EDDM13: variants seen among roughly 807,000 people sequenced by gnomAD.
EDDM13 encodes the protein epididymal protein 13.
A neutral mutation model predicts 17.8 loss-of-function variants in EDDM13; 24 were observed. That is an observed-to-expected ratio of 1.35 (90% confidence interval 0.98 to 1.90). EDDM13 has a LOEUF of 1.90. Among genes scored for constraint, EDDM13 ranks in the 40% most tolerant of loss-of-function variants. EDDM13 has a pLI of 0.00. For missense variants in EDDM13, 97 were observed against 100.8 expected (o/e 0.96, Z 0.16); for synonymous variants, 31 against 37.5 (o/e 0.83, Z 0.63).
At chr19:56,297,628 T>C (rs1181805853) in intron 12 of EDDM13, 97 bp downstream of exon 12, 18 of 727,510 alleles carry the variant, frequency 2.5e-5, no homozygotes, top group Non-Finnish European at 2.8e-5. Flanking sequence ...TTTCAGGTAA[T>C]CAAGGCCCTG....
chr19:56,297,647 T>TGA, intron 12 of EDDM13, 116 bp downstream of exon 12: 3 of 537,076 alleles, frequency 5.6e-6, no homozygotes, highest in Non-Finnish European at 4.8e-6. Flanking sequence ...TGCAGGGGCT[T>TGA]TGGTACCTGA....
intron 13 of EDDM13, among the ~76,000 whole-genome samples, chr19:56,302,381 T>C (rs1382470956): frequency 6.5e-5 from 9 of 139,352 alleles, no homozygotes; most frequent in Middle Eastern, 3.6e-3. Flanking sequence ...TTCCTCCTTC[T>C]CTCTCCTCCC....
chr19:56,274,503 T>A (rs867135604), intron 1 of EDDM13: 8 of 151,940 alleles, frequency 5.3e-5, no homozygotes, highest in African/African-American at 1.7e-4. Context: ...ACACGTTTTT[T>A]AAAAAATTTA....
intron 13 of EDDM13, among the ~76,000 whole-genome samples, chr19:56,302,427 TCTCCCTTC>T (rs1319597809): frequency 8.0e-6 from 1 of 125,262 alleles, no homozygotes; most frequent in East Asian, 2.6e-4. Context: ...TCCCTCCCTT[TCTCCCTTC>T]CTTCCTTTCT....
intron 12 of EDDM13, among the ~76,000 whole-genome samples, chr19:56,301,319 C>T (rs1461424995): frequency 6.6e-6 from 1 of 152,098 alleles, no homozygotes; most frequent in African/African-American, 2.4e-5. Flanking sequence ...TTTCCTGGAG[C>T]TGAGGGTGCC....
chr19:56,301,909 A>G (rs900310680), intron 12 of EDDM13, 59 bp from the exon 13 acceptor site: 3 of 1,231,796 alleles, frequency 2.4e-6, no homozygotes, highest in Non-Finnish European at 3.0e-6. Flanking sequence ...CAGTGACAGG[A>G]AGCTCTAAGG....
chr19:56,294,885 C>G (rs1282827241), intron 9 of EDDM13, among the ~76,000 whole-genome samples: 2 of 152,198 alleles, frequency 1.3e-5, no homozygotes, highest in African/African-American at 2.4e-5. Flanking sequence ...CACAAAAGCA[C>G]ATAGGGTATG....
At chr19:56,290,778 T>TA (rs2039459342) in intron 8 of EDDM13, among the ~76,000 whole-genome samples, 63 bp from the exon 9 acceptor site, 1 of 152,238 alleles carries the variant, frequency 6.6e-6, no homozygotes, top group Non-Finnish European at 1.5e-5. Context: ...CTGCTGATTC[T>TA]ATTCTCTTGC....
chr19:56,290,920 G>A (rs1335272956), intron 9 of EDDM13, among the ~76,000 whole-genome samples, 74 bp downstream of exon 9: 1 of 152,186 alleles, frequency 6.6e-6, no homozygotes, highest in Non-Finnish European at 1.5e-5. Flanking sequence ...ACTATCCAAA[G>A]AAGGGAATCT....
intron 9 of EDDM13, chr19:56,295,679 G>A (rs955954490): frequency 4.6e-5 from 7 of 152,332 alleles, no homozygotes; most frequent in Non-Finnish European, 7.3e-5. Context: ...ACCTTGCTGC[G>A]GTGCAAATCC....
At chr19:56,297,091 G>A (rs865864361) in intron 11 of EDDM13, among the ~76,000 whole-genome samples, 5 of 151,944 alleles carry the variant, frequency 3.3e-5, no homozygotes, top group African/African-American at 9.7e-5. Context: ...GTTTTTAAAG[G>A]GCGATCAGGG....
chr19:56,308,162 T>C (rs551673806), intron 14 of EDDM13, among the ~76,000 whole-genome samples: 2 of 152,316 alleles, frequency 1.3e-5, no homozygotes, highest in African/African-American at 4.8e-5. Flanking sequence ...GCCTCCCAAG[T>C]AGCTGGGACT....
chr19:56,279,853 T>C (rs2038550809), intron 2 of EDDM13, among the ~76,000 whole-genome samples: 2 of 152,176 alleles, frequency 1.3e-5, no homozygotes, highest in African/African-American at 4.8e-5. Flanking sequence ...TAAAATGTTT[T>C]ATGTTAAATT....
rs368396222 is a variant in EDDM13, at chr19:56,301,806, G to T, written c.296-162G>T. The stretch of plus-strand genomic sequence containing the variant: ...TCTGGAGTATGGTGGTAACCAAGAA[G>T]GGGGAAGCTGGCAGTGATGGTGGGT... On this transcript the variant is annotated intron_variant, in intron 12 of 14. Coordinates refer to ENST00000649256, the MANE Select transcript of EDDM13 (RefSeq NM_001354658.2). 5.7e-6 allele frequency: 4 copies of T among 704,184 alleles called. No homozygotes were observed. The Admixed American group carries it at 1.8e-4, about 31-fold the overall frequency. 43.6% of individuals were successfully genotyped at this position (704,184 alleles called of 1,614,324 possible).
At chr19:56,305,163 C>T (rs577970186) in intron 14 of EDDM13, among the ~76,000 whole-genome samples, 2 of 152,292 alleles carry the variant, frequency 1.3e-5, no homozygotes, top group East Asian at 3.9e-4. Context: ...TCAGTACACT[C>T]AAAATATTGT....
intron 13 of EDDM13, 98 bp from the exon 14 acceptor site, chr19:56,304,695 C>A: frequency 1.5e-6 from 1 of 683,366 alleles, no homozygotes; most frequent in Non-Finnish European, 1.8e-6. Flanking sequence ...GGGAAAGAAG[C>A]GAGAGGGGGA....
chr19:56,304,945 T>C (rs2040586991), intron 14 of EDDM13, 115 bp downstream of exon 14: 1 of 259,400 alleles, frequency 3.9e-6, no homozygotes, highest in Admixed American at 6.5e-5. Flanking sequence ...GAAGCTGCAA[T>C]CATAGAAACC....
At chr19:56,276,415 G>T (rs1290435276) in intron 2 of EDDM13, among the ~76,000 whole-genome samples, 1 of 151,648 alleles carries the variant, frequency 6.6e-6, no homozygotes, top group African/African-American at 2.4e-5. Context: ...TAACACCTTG[G>T]CTTATGTTTA....
chr19:56,301,993 A>T lies in EDDM13; in HGVS notation c.321A>T (p.Pro107=), dbSNP rs557006476. 8.1e-7 allele frequency: 1 copy of T among 1,232,124 alleles called. No homozygotes were observed. Among genetic ancestry groups the T allele is most frequent in the Admixed American group, 4.2e-5 (1 of 23,704 alleles). 76.3% of individuals were successfully genotyped at this position (1,232,124 alleles called of 1,614,324 possible). The change falls in exon 13 of 15, where the codon CCA becomes CCT. Residue 107 remains proline, a synonymous_variant. Transcript: ENST00000649256. ...TTAAACCCTTCTCAGGCACCACCCC[A>T]TCCAGGAAACCACTCCCCAAGAGGA... ...EEVKPFSGTT[P]SRKPLPKRKN...
Sources: gnomAD v4.1 joint callset for allele counts (sites outside exome capture counted in the v4.1 genomes callset) on GRCh38, gnomAD v4.1.1 for gene constraint, MANE v1.5 for transcripts, NCBI Gene and HGNC (gene_info 2026-07-23, HGNC 2026-07-21) for gene names.